The following PIWIL1 variants were observed in gnomAD, a reference collection of about 807,000 sequenced individuals.
The protein encoded by PIWIL1 is piwi like RNA-mediated gene silencing 1.
Under a neutral mutation model 114.4 loss-of-function variants are expected in PIWIL1, and 73 were observed. The ratio of observed to expected loss-of-function variants is 0.64; its 90% CI spans 0.53 to 0.78. The LOEUF (loss-of-function observed/expected upper bound fraction) is 0.78, where lower values mean the gene tolerates loss of function less well. PIWIL1 is among the 30% of genes least tolerant of loss of function. The pLI, the probability that PIWIL1 is intolerant of heterozygous loss-of-function variation, is 0.00. For missense variants in PIWIL1, 723 were observed against 1,063.1 expected, an observed-to-expected ratio of 0.68 and a Z score of 4.45; for synonymous variants, 375 against 369.0, an observed-to-expected ratio of 1.02 and a Z score of -0.19.
intron 9 of PIWIL1, chr12:130,351,058 A>G (rs1413446044): frequency 6.6e-6 from 1 of 152,146 alleles, no homozygotes; most frequent in East Asian, 1.9e-4. Context: ...GAGGACTCCA[A>G]CCATGCCTAA....
chr12:130,383,462 G>C, the PIWIL1 span: 1 of 152,186 alleles, frequency 6.6e-6, no homozygotes, highest in Admixed American at 6.5e-5. Flanking sequence ...GCTATGATCT[G>C]CCTACAGGAA....
the PIWIL1 span, among the ~76,000 whole-genome samples, chr12:130,420,698 A>G: frequency 6.6e-6 from 1 of 152,218 alleles, no homozygotes; most frequent in African/African-American, 2.4e-5. This position sits in a 1 kb window ranked among gnomAD's most constrained non-coding sequence, Gnocchi z 4.3. Flanking sequence ...TTAAGCCAAT[A>G]TTGAGTCTAA....
At chr12:130,394,783 G>GAA in the PIWIL1 span, among the ~76,000 whole-genome samples, 24 of 152,068 alleles carry the variant, frequency 1.6e-4, no homozygotes, top group African/African-American at 5.6e-4. Flanking sequence ...TAGTTTATTT[G>GAA]AAAAGTGTTA....
chr12:130,422,549 G>T, the PIWIL1 span: 9 of 1,607,574 alleles, frequency 5.6e-6, no homozygotes, highest in African/African-American at 1.2e-4. The surrounding 1 kb of genome is among the most constrained non-coding windows in gnomAD (Gnocchi z 5.2). Flanking sequence ...GCAGAGGCTG[G>T]GTTCCCTAAA....
rs988078255 is a variant in PIWIL1, at chr12:130,349,873, A to G, written c.950A>G (p.Tyr317Cys). 6.2e-7 allele frequency: 1 copy of G among 1,605,334 alleles called. No homozygotes were observed. Among genetic ancestry groups the G allele is most frequent in the Non-Finnish European group, 8.5e-7 (1 of 1,173,120 alleles). ...ATCCCTAGGTATAACAATAAGACAT[A>G]CAGAGTGGATGATATTGACTGGGAC... is the stretch of plus-strand genomic sequence containing the variant. ...VVLTKYNNKT[Y>C]RVDDIDWDQN... The change falls in exon 9 of 21, where the codon TAC becomes TGC. Residue 317 changes from tyrosine to cysteine, a missense_variant. By Grantham distance (194) the Tyr-to-Cys change is radical (BLOSUM62 -2). Coordinates refer to ENST00000245255, the MANE Select transcript of PIWIL1 (RefSeq NM_004764.5).
chr12:130,342,802 C>A, intron 2 of PIWIL1, 133 bp downstream of exon 2: 2 of 769,222 alleles, frequency 2.6e-6, no homozygotes, highest in Admixed American at 2.3e-5. Context: ...CCTGTTTCCT[C>A]AGGATATTAG....
the PIWIL1 span, among the ~76,000 whole-genome samples, chr12:130,392,579 A>G: frequency 6.6e-5 from 8 of 121,922 alleles, no homozygotes; most frequent in East Asian, 2.4e-4. Flanking sequence ...TACCTGGTGA[A>G]TATTGAATGT....
At chr12:130,367,491 C>T (rs1315537083) in intron 19 of PIWIL1, among the ~76,000 whole-genome samples, 3 of 152,150 alleles carry the variant, frequency 2.0e-5, no homozygotes, top group Non-Finnish European at 4.4e-5. Context: ...GGATTATTTT[C>T]TGTGGTATTA....
chr12:130,409,608 G>A, the PIWIL1 span, among the ~76,000 whole-genome samples: 1 of 152,112 alleles, frequency 6.6e-6, no homozygotes, highest in African/African-American at 2.4e-5. Flanking sequence ...CTCCCAAAGT[G>A]CTGGGATTAC....
chr12:130,378,926 C>T, the PIWIL1 span, among the ~76,000 whole-genome samples: 2 of 152,276 alleles, frequency 1.3e-5, no homozygotes, highest in East Asian at 1.9e-4. Flanking sequence ...AAGTATCATT[C>T]GAAGAGAAGA....
chr12:130,342,749 C>T, intron 2 of PIWIL1, 80 bp downstream of exon 2: 1 of 1,113,590 alleles, frequency 9.0e-7, no homozygotes, highest in South Asian at 1.3e-5. Flanking sequence ...AAACTAAAAA[C>T]TGTGCTGGGA....
intron 14 of PIWIL1, among the ~76,000 whole-genome samples, chr12:130,359,151 G>T (rs1306150374): frequency 6.6e-6 from 1 of 152,140 alleles, no homozygotes; most frequent in Non-Finnish European, 1.5e-5. Context: ...TTATAAACAT[G>T]ATAGCAGTGC....
downstream of PIWIL1, among the ~76,000 whole-genome samples, chr12:130,375,494 G>A (rs773980475): frequency 1.3e-5 from 2 of 152,144 alleles, no homozygotes; most frequent in Non-Finnish European, 2.9e-5. Flanking sequence ...CACCTGAACC[G>A]CGTTTGCTCT....
the PIWIL1 span, among the ~76,000 whole-genome samples, chr12:130,387,584 C>G: frequency 3.4e-5 from 4 of 116,616 alleles, no homozygotes; most frequent in Admixed American, 2.5e-4. Flanking sequence ...CACACTACCC[C>G]CTTCCTGTCT....
chr12:130,368,349 A>C (rs886885001), intron 19 of PIWIL1, among the ~76,000 whole-genome samples: 5 of 152,188 alleles, frequency 3.3e-5, no homozygotes, highest in African/African-American at 1.2e-4. Context: ...CTCCTGTGTG[A>C]ATCTTGGGTA....
chr12:130,409,989 T>C, the PIWIL1 span, among the ~76,000 whole-genome samples: 2 of 152,224 alleles, frequency 1.3e-5, no homozygotes, highest in African/African-American at 4.8e-5. Context: ...TGCAGAGCGG[T>C]GATGCCATTT....
chr12:130,406,019 G>A, the PIWIL1 span, among the ~76,000 whole-genome samples: 1 of 152,166 alleles, frequency 6.6e-6, no homozygotes, highest in African/African-American at 2.4e-5. Context: ...ACTCAGCAAA[G>A]TTCTATAACT....
At chr12:130,418,193 T>C in the PIWIL1 span, among the ~76,000 whole-genome samples, 14 of 152,268 alleles carry the variant, frequency 9.2e-5, no homozygotes, top group Non-Finnish European at 1.8e-4. Context: ...ATTGTTTACA[T>C]TATTGAGATT....
At chr12:130,392,016 G>A in the PIWIL1 span, among the ~76,000 whole-genome samples, 4,395 of 142,052 alleles carry the variant, frequency 0.031, 1 homozygote, top group Middle Eastern at 0.11. Context: ...CCGTCATCAC[G>A]TGTGTGCGTC....
Sources: gnomAD v4.1 joint callset for allele counts (sites outside exome capture counted in the v4.1 genomes callset) on GRCh38, gnomAD v4.1.1 for gene constraint, Gnocchi (gnomAD v3.1) non-coding constraint, MANE v1.5 for transcripts, NCBI Gene and HGNC (gene_info 2026-07-23, HGNC 2026-07-21) for gene names.